Variants in MVK observed in about 807,000 individuals in gnomAD.
The protein encoded by MVK is mevalonate kinase.
In MVK, 34 loss-of-function variants were observed where a neutral mutation model predicts 43.2. That is an observed-to-expected ratio of 0.79 (90% CI 0.60 to 1.05). MVK has a LOEUF of 1.05. Ranked by LOEUF, MVK falls within the 50% of genes least tolerant of loss-of-function variation. MVK has a pLI of 0.00. For synonymous variants in MVK, 190 were observed against 219.8 expected (o/e 0.86, Z 1.20); for missense variants, 395 against 504.0 (o/e 0.78, Z 2.07).
rs1332515304 is a variant in MVK, at chr12:109,595,256, AG to A, written c.1039+77del. 19 of 1,583,212 alleles carry A rather than the reference AG, an allele frequency of 1.2e-5. No homozygotes were observed. The African/African-American group carries it at 2.6e-4, about 21-fold the overall frequency. Reference sequence around the variant, plus strand: ...GGTCCACCTGGAGAATTCCCTTGAAAGGAAAAAGAGACCTGGAAACAGGTCT... The same window carrying A: ...GGTCCACCTGGAGAATTCCCTTGAAAGAAAAAGAGACCTGGAAACAGGTCT... On this transcript the variant is annotated intron_variant, in intron 10 of 10. Coordinates refer to ENST00000228510, the MANE Select transcript of MVK (RefSeq NM_000431.4). This position sits in a 1 kb window ranked among gnomAD's most constrained non-coding sequence, Gnocchi z 5.9.
In MVK at chr12:109,581,523, C is replaced by T. The variant is rs104895300; in HGVS notation, c.500C>T (p.Pro167Leu). The change falls in exon 5 of 11, where the codon CCG becomes CTG. Residue 167 changes from proline to leucine, a missense_variant. Physicochemically the swap from Pro to Leu is moderately conservative, Grantham distance 98 (BLOSUM62 -3). Coordinates refer to ENST00000228510, the MANE Select transcript of MVK (RefSeq NM_000431.4). The stretch of plus-strand genomic sequence containing the variant: ...ACTGTGTGCGAGGAGATCCCAAACC[C>T]GCTGAAGGACGGGGATTGCGTCAAC... Reference protein sequence around the residue: ...LLTVCEEIPNPLKDGDCVNRW... With the variant: ...LLTVCEEIPNLLKDGDCVNRW... 8.1e-6 allele frequency: 13 copies of T among 1,614,202 alleles called. No individual in the cohort carries two copies. Among genetic ancestry groups the T allele is most frequent in the Admixed American group, 3.3e-5 (2 of 60,032 alleles).
At chr12:109,581,887 C>G (rs766929036) in intron 5 of MVK, among the ~76,000 whole-genome samples, 2 of 151,714 alleles carry the variant, frequency 1.3e-5, no homozygotes, top group Non-Finnish European at 2.9e-5. Context: ...GATGAACCCT[C>G]CCACCTCTGC....
Position 109,598,052 on chromosome 12 carries a change from GAT to G in MVK, c.*1476_*1477del, listed in dbSNP as rs1885991631. On this transcript the variant is annotated 3_prime_UTR_variant, in exon 11 of 11. Coordinates refer to ENST00000228510, the MANE Select transcript of MVK (RefSeq NM_000431.4). ...CTTGTAGAAATGGCCCCAGATCACT[GAT>G]GGCTGTTCCCTGCCCCTTCCCTTCA... The G allele has an allele frequency of 1.3e-5, 2 of 152,248 alleles. No individual in the cohort carries two copies. Among genetic ancestry groups the G allele is most frequent in the Admixed American group, 6.5e-5 (1 of 15,286 alleles). 9.4% of individuals were successfully genotyped at this position (152,248 alleles called of 1,614,324 possible).
At chr12:109,586,667 A>T in intron 6 of MVK, 87 bp from the exon 7 acceptor site, 1 of 1,486,962 alleles carries the variant, frequency 6.7e-7, no homozygotes, top group Non-Finnish European at 9.4e-7. Context: ...GGCAAAATGA[A>T]CCCAACCCAA....
chr12:109,591,025 G>A lies in MVK; in HGVS notation c.768+164G>A, dbSNP rs1339096202. On this transcript the variant is annotated intron_variant, in intron 8 of 10. Transcript: ENST00000228510. ...AGAAAAGAAGGTACCGTCCGTGCCC[G>A]TAGCCTGGCCAGGAAAATGACAGTG... Among the ~76,000 whole-genome samples the A allele has an allele frequency of 2.6e-5, 4 of 152,176 alleles. No individual in the cohort carries two copies. In the South Asian group the frequency reaches 6.2e-4, roughly 24 times the overall value.
At chr12:109,583,691 T>C (rs902776774) in intron 5 of MVK, among the ~76,000 whole-genome samples, 1 of 152,222 alleles carries the variant, frequency 6.6e-6, no homozygotes, top group Admixed American at 6.5e-5. Flanking sequence ...TCCACAATGG[T>C]TGAACTAGTT....
intron 3 of MVK, among the ~76,000 whole-genome samples, chr12:109,576,376 T>C (rs1220220578): frequency 6.6e-6 from 1 of 152,024 alleles, no homozygotes; most frequent in African/African-American, 2.4e-5. Context: ...GGCCTATTGT[T>C]GAGTGAAAAA....
At chr12:109,576,264 C>T in intron 3 of MVK, 119 bp downstream of exon 3, 1 of 1,264,846 alleles carries the variant, frequency 7.9e-7, no homozygotes. Context: ...TGTTTTCTAC[C>T]CTGACCTCAT....
At chr12:109,594,323 A>G (rs1367011598) in intron 9 of MVK, among the ~76,000 whole-genome samples, 1 of 152,234 alleles carries the variant, frequency 6.6e-6, no homozygotes. Flanking sequence ...AAGAGCAGGA[A>G]GTTTATCCTG....
chr12:109,573,400 G>A, upstream of MVK: 1 of 1,611,564 alleles, frequency 6.2e-7, no homozygotes, highest in Middle Eastern at 1.7e-4. Flanking sequence ...GGGGATACAG[G>A]AGCCTGGCGG....
In MVK at chr12:109,574,802, C is replaced by T; in HGVS notation, c.-14-7C>T. On this transcript the variant is annotated splice_polypyrimidine_tract_variant and splice_region_variant and intron_variant, in intron 1 of 10. Transcript: ENST00000228510. ...TCTTTGCTCTTCTCATTGGCTTTCCCTTTTAGGATTCCCAGGAGCCATGTT... is the reference window on the plus strand; with the variant it reads ...TCTTTGCTCTTCTCATTGGCTTTCCTTTTTAGGATTCCCAGGAGCCATGTT... 1 of 1,582,212 alleles carries T rather than the reference C, an allele frequency of 6.3e-7. No individual in the cohort carries two copies. The highest frequency in any genetic ancestry group is 8.6e-7 in the Non-Finnish European group (1 of 1,162,494).
At chr12:109,594,120 C>T (rs965726790) in intron 9 of MVK, among the ~76,000 whole-genome samples, 3 of 152,026 alleles carry the variant, frequency 2.0e-5, no homozygotes, top group East Asian at 1.9e-4. Context: ...AGCAGAGACT[C>T]GAACACAGGC....
At position 109,581,404 on chromosome 12, in the gene MVK, G is replaced by A. The variant is rs140397628; in HGVS notation, c.381G>A (p.Pro127=). ...LSICRKQRAL[P]SLDIVVWSEL... is the part of the protein sequence containing the mutation. ...CCCTGGTGTGTTTCAGGGCCCTGCC[G>A]AGCCTGGATATCGTAGTGTGGTCGG... The change falls in exon 5 of 11, where the codon CCG becomes CCA. Residue 127 remains proline, a synonymous_variant. Transcript: ENST00000228510. The A allele has an allele frequency of 3.4e-4, 554 of 1,613,936 alleles. 3 individuals are homozygous for A. In the African/African-American group the frequency reaches 6.1e-3, roughly 18 times the overall value.
chr12:109,573,473 A>G (rs1884747870), upstream of MVK: 6 of 1,604,002 alleles, frequency 3.7e-6, no homozygotes, highest in Admixed American at 1.7e-5. Context: ...CAGGCCGCAC[A>G]CAGCCATGAG....
chr12:109,583,472 C>T (rs1885310972), intron 5 of MVK, among the ~76,000 whole-genome samples: 1 of 152,158 alleles, frequency 6.6e-6, no homozygotes, highest in South Asian at 2.1e-4. Context: ...TGTATATGTG[C>T]CACATTTTCT....
intron 5 of MVK, among the ~76,000 whole-genome samples, chr12:109,583,117 C>T (rs150950100): frequency 0.013 from 1,981 of 148,772 alleles, 21 homozygotes; most frequent in Middle Eastern, 0.024. Context: ...TATTATTATA[C>T]TTTAAGTTTT....
intron 5 of MVK, among the ~76,000 whole-genome samples, chr12:109,583,023 G>C (rs559002786): frequency 2.0e-5 from 3 of 151,532 alleles, no homozygotes; most frequent in Admixed American, 2.0e-4. Context: ...GTTTGTTTTT[G>C]TTTTTGTTTT....
intron 9 of MVK, among the ~76,000 whole-genome samples, chr12:109,593,716 A>ATTTTTTTTTTTTTTTTTT (rs33948292): frequency 9.1e-6 from 1 of 110,406 alleles, no homozygotes; most frequent in Non-Finnish European, 1.7e-5. Flanking sequence ...AAAGAAGCAG[A>ATTTTTTTTTTTTTTTTTT]TTTTTTTTTT....
intron 9 of MVK, among the ~76,000 whole-genome samples, chr12:109,593,294 G>A (rs72648036): frequency 4.6e-5 from 7 of 152,262 alleles, no homozygotes; most frequent in African/African-American, 4.8e-5. Flanking sequence ...TGAGCTTGGC[G>A]CAGAGCGAGG....
Sources: gnomAD v4.1 joint callset for allele counts (sites outside exome capture counted in the v4.1 genomes callset) on GRCh38, gnomAD v4.1.1 for gene constraint, Gnocchi (gnomAD v3.1) non-coding constraint, MANE v1.5 for transcripts, NCBI Gene and HGNC (gene_info 2026-07-23, HGNC 2026-07-21) for gene names.